The following SPAG16 variants were observed in gnomAD, a reference collection of about 807,000 sequenced individuals.
SPAG16 encodes the protein sperm-associated antigen 16 protein.
Under a neutral mutation model 80.4 loss-of-function variants are expected in SPAG16, and 86 were observed. The observed-to-expected ratio is 1.07, with a 90% CI of 0.90 to 1.28. SPAG16 has a LOEUF of 1.28. Ranked by LOEUF, SPAG16 falls within the 50% of genes most tolerant of loss-of-function variation. The pLI is 0.00. For synonymous variants in SPAG16, 294 were observed against 265.9 expected, an observed-to-expected ratio of 1.11 and a Z score of -1.03; for missense variants, 870 against 765.3, an observed-to-expected ratio of 1.14 and a Z score of -1.61.
chr2:213,728,145 G>T (rs779719633), intron 10 of SPAG16, among the ~76,000 whole-genome samples: 1 of 152,090 alleles, frequency 6.6e-6, no homozygotes, highest in Non-Finnish European at 1.5e-5. Flanking sequence ...CACTGCACCC[G>T]GCCAAATGAC....
intron 10 of SPAG16, among the ~76,000 whole-genome samples, chr2:213,618,152 C>A (rs999861241): frequency 6.6e-6 from 1 of 152,104 alleles, no homozygotes; most frequent in Non-Finnish European, 1.5e-5. Context: ...GTGTCCATAC[C>A]ATTAGGTTTC....
At chr2:214,222,620 G>A (rs2058607615) in intron 15 of SPAG16, among the ~76,000 whole-genome samples, 1 of 152,088 alleles carries the variant, frequency 6.6e-6, no homozygotes, top group Non-Finnish European at 1.5e-5. Flanking sequence ...TCATGACATA[G>A]TTGCTTACCA....
chr2:213,915,076 C>A (rs968267238), intron 11 of SPAG16, among the ~76,000 whole-genome samples: 1 of 151,672 alleles, frequency 6.6e-6, no homozygotes, highest in Non-Finnish European at 1.5e-5. Context: ...ATCAAAGTCA[C>A]GTCTTACATG....
intron 13 of SPAG16, among the ~76,000 whole-genome samples, chr2:214,094,532 A>T (rs938443492): frequency 1.3e-5 from 2 of 152,052 alleles, no homozygotes; most frequent in East Asian, 1.9e-4. Context: ...GCACCCTAAA[A>T]TTTGACAATT....
At chr2:213,351,979 G>A (rs545812412) in intron 7 of SPAG16, among the ~76,000 whole-genome samples, 51 of 152,144 alleles carry the variant, frequency 3.4e-4, no homozygotes, top group Middle Eastern at 3.4e-3. Flanking sequence ...TTTCTCCCAT[G>A]CTATTCTCAT....
At chr2:214,327,694 AAT>A (rs1491483070) in intron 15 of SPAG16, among the ~76,000 whole-genome samples, 10 of 59,328 alleles carry the variant, frequency 1.7e-4, no homozygotes, top group Admixed American at 7.0e-4. Context: ...CTAGATATCA[AAT>A]TTTTTTTTTT....
At chr2:213,869,265 A>AATATATATATATATGTATATATATATG (rs1491244962) in intron 11 of SPAG16, among the ~76,000 whole-genome samples, 339 of 24,794 alleles carry the variant, frequency 0.014, 1 homozygote, top group African/African-American at 0.017. Context: ...AAAAAAAAAA[A>AATATATATATATATGTATATATATATG]TATATATATA....
chr2:213,556,330 A>C (rs1005086184), intron 10 of SPAG16, among the ~76,000 whole-genome samples: 2 of 150,932 alleles, frequency 1.3e-5, no homozygotes, highest in African/African-American at 4.8e-5. Context: ...AAAAAAAACA[A>C]GATCTAACTA....
chr2:213,545,148 G>T (rs1264927314), intron 10 of SPAG16, among the ~76,000 whole-genome samples: 1 of 152,044 alleles, frequency 6.6e-6, no homozygotes, highest in Non-Finnish European at 1.5e-5. Context: ...GCATTTTGTG[G>T]TTTATGGTCA....
chr2:213,639,962 A>T (rs2062523666), intron 10 of SPAG16, among the ~76,000 whole-genome samples: 1 of 151,794 alleles, frequency 6.6e-6, no homozygotes, highest in African/African-American at 2.4e-5. Context: ...TCTGTGTTGG[A>T]TTGGGTTAAT....
intron 15 of SPAG16, among the ~76,000 whole-genome samples, chr2:214,345,396 G>A (rs10166779): frequency 0.56 from 84,917 of 151,906 alleles, 28,289 homozygotes; most frequent in Non-Finnish European, 0.74. Context: ...AATTCAGCCC[G>A]CTCTCATCTC....
chr2:213,495,744 A>T (rs1422883985), intron 10 of SPAG16, among the ~76,000 whole-genome samples: 1 of 152,206 alleles, frequency 6.6e-6, no homozygotes, highest in African/African-American at 2.4e-5. Flanking sequence ...TATGTAAGGG[A>T]AACCTGAAGC....
At chr2:213,842,867 A>G (rs1223722061) in intron 10 of SPAG16, among the ~76,000 whole-genome samples, 1 of 152,140 alleles carries the variant, frequency 6.6e-6, no homozygotes, top group Non-Finnish European at 1.5e-5. Flanking sequence ...CCTAGACTCA[A>G]ACTTCCTCCT....
intron 12 of SPAG16, among the ~76,000 whole-genome samples, chr2:213,975,652 A>G (rs897721727): frequency 9.2e-5 from 14 of 151,830 alleles, no homozygotes; most frequent in Non-Finnish European, 1.6e-4. Flanking sequence ...AATACATTAG[A>G]AAAAAAATGA....
At chr2:213,436,592 A>G (rs991458598) in intron 9 of SPAG16, among the ~76,000 whole-genome samples, 2 of 152,182 alleles carry the variant, frequency 1.3e-5, no homozygotes, top group African/African-American at 2.4e-5. Context: ...TACTGATTTT[A>G]TTGTATTATA....
At chr2:213,689,004 GGC>G (rs2064816293) in intron 10 of SPAG16, among the ~76,000 whole-genome samples, 1 of 152,064 alleles carries the variant, frequency 6.6e-6, no homozygotes, top group Admixed American at 6.6e-5. Context: ...CTGTTGCCCA[GGC>G]TGGAGTGCAG....
chr2:213,949,859 T>C (rs2079656676), intron 12 of SPAG16, among the ~76,000 whole-genome samples: 1 of 152,228 alleles, frequency 6.6e-6, no homozygotes, highest in South Asian at 2.1e-4. Context: ...AAATTAACAT[T>C]AATTGAAATG....
At chr2:213,331,133 A>G (rs1284074196) in intron 5 of SPAG16, among the ~76,000 whole-genome samples, 1 of 152,214 alleles carries the variant, frequency 6.6e-6, no homozygotes, top group African/African-American at 2.4e-5. Context: ...CTTCACCTGC[A>G]AAGTATCTTT....
At chr2:214,386,885 AAC>A (rs1553571155) in intron 15 of SPAG16, among the ~76,000 whole-genome samples, 1 of 149,118 alleles carries the variant, frequency 6.7e-6, no homozygotes, top group Non-Finnish European at 1.5e-5. Flanking sequence ...AAAAAAAAAA[AAC>A]AACTATGAAA....
Sources: gnomAD v4.1 joint callset for allele counts (sites outside exome capture counted in the v4.1 genomes callset) on GRCh38, gnomAD v4.1.1 for gene constraint, MANE v1.5 for transcripts, NCBI Gene and HGNC (gene_info 2026-07-23, HGNC 2026-07-21) for gene names.